MTPAP: variants seen among roughly 807,000 people sequenced by gnomAD.
The protein encoded by MTPAP is mitochondrial poly(A) polymerase, also known as poly(A) RNA polymerase, mitochondrial.
A neutral mutation model predicts 48.7 loss-of-function variants in MTPAP; 23 were observed. The observed-to-expected ratio is 0.47, with a 90% confidence interval of 0.34 to 0.67. The LOEUF is 0.67. Among genes scored for constraint, MTPAP ranks in the 30% least tolerant of loss-of-function variants. The probability of loss-of-function intolerance (pLI) is 0.01; values close to 1 mark genes in which losing one functional copy is unlikely to be tolerated. For synonymous variants in MTPAP, 257 were observed against 254.1 expected (o/e 1.01, Z -0.11); for missense variants, 614 against 694.3 (o/e 0.88, Z 1.30).
Position 30,311,317 on chromosome 10 carries a change from C to T in MTPAP, c.*2292G>A, listed in dbSNP as rs1316668745. 1 of 152,144 alleles carries T rather than the reference C, an allele frequency of 6.6e-6. No individual in the cohort carries two copies. The highest frequency in any genetic ancestry group is 2.4e-5 in the African/African-American group (1 of 41,410). 9.4% of individuals were successfully genotyped at this position (152,144 alleles called of 1,614,324 possible). On this transcript the variant is annotated 3_prime_UTR_variant, in exon 9 of 9. Transcript: ENST00000263063. ...GACACAAGGACACAGAATTCATTTG[C>T]TTCATAACAATGCTGAGTTTCTTAA...
At chr10:30,333,815 T>C (rs925712303) in intron 4 of MTPAP, among the ~76,000 whole-genome samples, 3 of 151,968 alleles carry the variant, frequency 2.0e-5, no homozygotes, top group Admixed American at 1.3e-4. Flanking sequence ...GGCAGGAGAA[T>C]TGCTTGAGCC....
chr10:30,316,618 G>A (rs1373996417), intron 6 of MTPAP, among the ~76,000 whole-genome samples: 5 of 151,426 alleles, frequency 3.3e-5, no homozygotes, highest in African/African-American at 9.7e-5. Flanking sequence ...GGCCAGGCGC[G>A]GTGGCTCACA....
intron 5 of MTPAP, among the ~76,000 whole-genome samples, chr10:30,324,735 G>A (rs1003359766): frequency 5.3e-5 from 8 of 152,080 alleles, no homozygotes; most frequent in Non-Finnish European, 1.0e-4. Context: ...CAGGCGTGGC[G>A]GCTCACACCT....
intron 1 of MTPAP, among the ~76,000 whole-genome samples, chr10:30,347,783 C>T (rs1261501468): frequency 6.6e-6 from 1 of 151,986 alleles, no homozygotes; most frequent in Non-Finnish European, 1.5e-5. Context: ...CCCAGCTACT[C>T]GGGAGGCTGA....
intron 4 of MTPAP, among the ~76,000 whole-genome samples, chr10:30,336,147 A>T (rs1476705091): frequency 1.3e-5 from 2 of 152,222 alleles, no homozygotes; most frequent in Non-Finnish European, 2.9e-5. Flanking sequence ...GATAGACTGG[A>T]GTAAAAGCAT....
intron 4 of MTPAP, among the ~76,000 whole-genome samples, chr10:30,336,360 C>T (rs915076327): frequency 2.6e-5 from 4 of 152,034 alleles, no homozygotes; most frequent in African/African-American, 9.7e-5. Context: ...ATATGATGAT[C>T]GTATACCTAT....
chr10:30,337,233 T>G (rs1325231565), intron 3 of MTPAP, among the ~76,000 whole-genome samples: 1 of 152,126 alleles, frequency 6.6e-6, no homozygotes, highest in Non-Finnish European at 1.5e-5. Context: ...GCGACCAGCC[T>G]GACCAACATG....
At chr10:30,326,691 A>C in intron 4 of MTPAP, 56 bp from the exon 5 acceptor site, 1 of 1,373,000 alleles carries the variant, frequency 7.3e-7, no homozygotes, top group Non-Finnish European at 1.0e-6. Flanking sequence ...ACAATTTTTT[A>C]ATAAGCTTTT....
intron 1 of MTPAP, among the ~76,000 whole-genome samples, chr10:30,343,753 AGATGG>A (rs1192463325): frequency 6.6e-6 from 1 of 152,114 alleles, no homozygotes; most frequent in Non-Finnish European, 1.5e-5. Context: ...TGTTTAGTAG[AGATGG>A]GGTTTCACTA....
chr10:30,323,299 A>G (rs904887121), intron 5 of MTPAP, among the ~76,000 whole-genome samples: 16 of 146,654 alleles, frequency 1.1e-4, no homozygotes, highest in Admixed American at 4.1e-4. Context: ...CAAAAATACA[A>G]AAATTAGCTG....
At chr10:30,348,132 C>A (rs1834893109) in intron 1 of MTPAP, among the ~76,000 whole-genome samples, 1 of 152,160 alleles carries the variant, frequency 6.6e-6, no homozygotes, top group South Asian at 2.1e-4. Flanking sequence ...TTGGCAGAAT[C>A]CTTACTCAAA....
At chr10:30,347,900 A>C (rs1834890820) in intron 1 of MTPAP, among the ~76,000 whole-genome samples, 1 of 3,962 alleles carries the variant, frequency 2.5e-4, no homozygotes, top group African/African-American at 5.6e-4. Context: ...CGAAAAAGAA[A>C]AAAAAAAAAC....
chr10:30,313,548 CAAGT>C lies in MTPAP; in HGVS notation c.*57_*60del. On this transcript the variant is annotated 3_prime_UTR_variant, in exon 9 of 9. Coordinates refer to ENST00000263063, the MANE Select transcript of MTPAP (RefSeq NM_018109.4). ...TGTGAAAGTTTCAAATCAGTTTTTC[CAAGT>C]AAGTCCACAGACCATTTGATAGGCT... is the stretch of plus-strand genomic sequence containing the variant. The C allele has an allele frequency of 6.2e-7, 1 of 1,605,814 alleles. No individual in the cohort carries two copies. The highest frequency in any genetic ancestry group is 1.3e-5 in the African/African-American group (1 of 74,868).
intron 1 of MTPAP, among the ~76,000 whole-genome samples, chr10:30,342,374 C>T (rs923927268): frequency 6.6e-6 from 1 of 152,140 alleles, no homozygotes; most frequent in Non-Finnish European, 1.5e-5. Flanking sequence ...TTGTGGACCA[C>T]AGTTGACTGT....
At chr10:30,330,807 C>T (rs911594611) in intron 4 of MTPAP, among the ~76,000 whole-genome samples, 12 of 152,112 alleles carry the variant, frequency 7.9e-5, no homozygotes, top group African/African-American at 2.7e-4. Context: ...CTTCAAGAGC[C>T]GATGCTCAAT....
rs747625805 is a variant in MTPAP, at chr10:30,313,913, G to A, written c.1445C>T (p.Thr482Ile). 1.9e-6 allele frequency: 3 copies of A among 1,614,050 alleles called. No homozygotes were observed. The Admixed American group carries it at 5.0e-5, about 27-fold the overall frequency. Residue 482 changes from threonine (T) to isoleucine (I), a missense_variant, in exon 9 of 9, where the codon ACT becomes ATT. By Grantham distance (89) the Thr-to-Ile change is moderately conservative. This residue lies in a region of MTPAP where 261 missense variants were observed against 355.4 expected (regional missense o/e 0.73). Transcript: ENST00000263063. ...TACATTTTTGCTTATGTTGAGAGAA[G>A]TTTCAAATGGATTCTGAATGTACAG... The part of the protein sequence containing the change: ...SPLYIQNPFE[T>I]SLNISKNVSQ...
chr10:30,333,471 G>A (rs1834695068), intron 4 of MTPAP, among the ~76,000 whole-genome samples: 1 of 152,202 alleles, frequency 6.6e-6, no homozygotes, highest in African/African-American at 2.4e-5. Context: ...TGATGCCAGA[G>A]CCCAGGCTTT....
chr10:30,316,566 T>C (rs575342962), intron 6 of MTPAP, among the ~76,000 whole-genome samples: 17 of 151,392 alleles, frequency 1.1e-4, no homozygotes, highest in African/African-American at 4.1e-4. Flanking sequence ...TCAAAGATAT[T>C]CCCTACCTCA....
At chr10:30,348,252 CT>C (rs1834894043) in intron 1 of MTPAP, among the ~76,000 whole-genome samples, 2 of 152,158 alleles carry the variant, frequency 1.3e-5, no homozygotes, top group South Asian at 2.1e-4. Context: ...CAATGTAAGT[CT>C]TTTATACAGT....
Sources: gnomAD v4.1 joint callset for allele counts (sites outside exome capture counted in the v4.1 genomes callset) on GRCh38, gnomAD v4.1.1 for gene constraint, gnomAD v4.1.1 regional missense constraint, MANE v1.5 for transcripts, NCBI Gene and HGNC (gene_info 2026-07-23, HGNC 2026-07-21) for gene names.